TAF1: variants seen among roughly 807,000 people sequenced by gnomAD.
TAF1 encodes TATA-box binding protein associated factor 1, also known as transcription initiation factor TFIID subunit 1.
A neutral mutation model predicts 138.5 loss-of-function variants in TAF1; 2 were observed. That is an observed-to-expected ratio of 0.01 (90% CI 0.01 to 0.05). The LOEUF (loss-of-function observed/expected upper bound fraction) is 0.05, where lower values mean the gene tolerates loss of function less well. TAF1 is among the 10% of genes least tolerant of loss of function. The probability of loss-of-function intolerance (pLI) is 1.00; values close to 1 mark genes in which losing one functional copy is unlikely to be tolerated. For synonymous variants in TAF1, 437 were observed against 503.2 expected (o/e 0.87, Z 1.76); for missense variants, 709 against 1,478.0 (o/e 0.48, Z 8.53).
chrX:71,466,982 C>A (rs147166059), downstream of TAF1, among the ~76,000 whole-genome samples: 153 of 99,813 alleles, frequency 1.5e-3, 3 homozygotes, highest in East Asian at 0.036. Flanking sequence ...TGACTCTTTA[C>A]GAAGTAGGAA....
chrX:71,421,421 GGGGT>G, intron 29 of TAF1, 45 bp downstream of exon 29: 1 of 962,651 alleles, frequency 1.0e-6, no homozygotes, highest in Non-Finnish European at 1.5e-6. Flanking sequence ...TTTGAAGGTG[GGGGT>G]GGGATATCAG....
rs761013607 is a variant in TAF1 at position 71,393,191 on chromosome X, A to G, written c.3052-110A>G. ...TTTTTCTTTTTTGGTCTAACTGTGT[A>G]CATTGGCTTGTCCTTTGAAATCCCT... is the stretch of plus-strand genomic sequence containing the variant. On this transcript the variant is annotated intron_variant, in intron 20 of 37. Coordinates refer to ENST00000423759, the MANE Select transcript of TAF1 (RefSeq NM_004606.5). 474 of 1,102,573 alleles carry G rather than the reference A, an allele frequency of 4.3e-4. 1 individual carries two copies. Among genetic ancestry groups the G allele is most frequent in the Non-Finnish European group, 4.9e-4 (409 of 836,945 alleles). The allele number at this position is 1,102,573 out of a possible 1,213,427, so 90.9% of individuals were successfully genotyped here. A position where few individuals can be genotyped will look rare whatever the true frequency, so the allele number is the denominator to read the frequency against.
chrX:71,397,604 TC>T, intron 23 of TAF1, 138 bp downstream of exon 23: 1 of 706,796 alleles, frequency 1.4e-6, no homozygotes, highest in Non-Finnish European at 2.1e-6. Context: ...TGCCTCAACT[TC>T]CAGAGTAGCT....
intron 32 of TAF1, among the ~76,000 whole-genome samples, chrX:71,424,774 G>A (rs2036519104): frequency 1.8e-5 from 2 of 111,229 alleles, no homozygotes; most frequent in Admixed American, 9.6e-5. Flanking sequence ...GCAGGTGCCT[G>A]CCACCATGCC....
chrX:71,413,144 C>A (rs1285576436), intron 28 of TAF1, among the ~76,000 whole-genome samples: 1 of 111,749 alleles, frequency 8.9e-6, no homozygotes, highest in African/African-American at 3.3e-5. Context: ...AACCTGAAAT[C>A]TGAAACACTT....
At chrX:71,525,031 G>A (rs776048605) in intron 13 of TAF1, among the ~76,000 whole-genome samples, 1 of 110,057 alleles carries the variant, frequency 9.1e-6, no homozygotes, top group Non-Finnish European at 1.9e-5. Flanking sequence ...CTTTACCTCT[G>A]TGTTTATTTA....
chrX:71,418,848 A>G (rs947479307), intron 28 of TAF1, among the ~76,000 whole-genome samples: 13 of 104,699 alleles, frequency 1.2e-4, no homozygotes, highest in African/African-American at 4.6e-4. Context: ...GGCTCACGCA[A>G]CCTCCACCTC....
intron 13 of TAF1, among the ~76,000 whole-genome samples, chrX:71,485,401 G>T (rs754408253): frequency 8.9e-6 from 1 of 111,853 alleles, no homozygotes; most frequent in South Asian, 3.7e-4. Flanking sequence ...TTGAGGAGCT[G>T]CCAAGCTGTC....
intron 13 of TAF1, among the ~76,000 whole-genome samples, chrX:71,498,009 C>T (rs2039428152): frequency 9.0e-6 from 1 of 111,661 alleles, no homozygotes; most frequent in Non-Finnish European, 1.9e-5. Context: ...ATTTAGAGAC[C>T]TTGTACCCTT....
At chrX:71,471,685 T>A (rs1421947974) in intron 13 of TAF1, among the ~76,000 whole-genome samples, 1 of 110,724 alleles carries the variant, frequency 9.0e-6, no homozygotes, top group Non-Finnish European at 1.9e-5. Context: ...CAGCAGAGAT[T>A]TATTGAAAAC....
rs73217060 is a variant in TAF1 at position 71,375,419 on chromosome X, G to A, written c.472+133G>A. 30,293 of 841,047 alleles carry A rather than the reference G, an allele frequency of 0.036. 446 individuals carry two copies. Among genetic ancestry groups the A allele is most frequent in the Non-Finnish European group, 0.041 (26,170 of 634,131 alleles). 69.3% of individuals were successfully genotyped at this position (841,047 alleles called of 1,213,427 possible). ...ACTTCTAGAAATAATTCATACAATC[G>A]CAAATTTTAGTATTAAAGGGAAGTT... On this transcript the variant is annotated intron_variant, in intron 4 of 37. Transcript: ENST00000423759.
rs1387008526 is a variant in TAF1 at position 71,401,517 on chromosome X, T to G, written c.3787-11T>G. On this transcript the variant is annotated splice_polypyrimidine_tract_variant and intron_variant, in intron 24 of 37. Coordinates refer to ENST00000423759, the MANE Select transcript of TAF1 (RefSeq NM_004606.5). ...TTACCTCTGACGTGTTTGATACTTT[T>G]CCTTTTGCAGCTGAAATGTGGGGCA... is the stretch of plus-strand genomic sequence containing the variant. The G allele has an allele frequency of 2.5e-6, 3 of 1,209,803 alleles. No individual in the cohort carries two copies. The highest frequency in any genetic ancestry group is 3.4e-6 in the Non-Finnish European group (3 of 895,109).
intron 23 of TAF1, 145 bp from the exon 24 acceptor site, chrX:71,398,427 G>T: frequency 1.4e-6 from 1 of 724,710 alleles, no homozygotes; most frequent in Non-Finnish European, 2.0e-6. Flanking sequence ...ACTAGGGAGG[G>T]AGATGGGAAT....
intron 28 of TAF1, among the ~76,000 whole-genome samples, chrX:71,413,127 C>A (rs779431388): frequency 1.8e-5 from 2 of 111,585 alleles, no homozygotes; most frequent in South Asian, 7.4e-4. Context: ...ATTTCAGATT[C>A]TTAAAAAACC....
At chrX:71,527,950 T>C (rs762651269) in intron 13 of TAF1, 9 of 144,893 alleles carry the variant, frequency 6.2e-5, no homozygotes, top group Non-Finnish European at 1.2e-4. Context: ...AATTGTAGTA[T>C]TGGATTGGTC....
chrX:71,395,829 A>G (rs1003292033), intron 22 of TAF1, among the ~76,000 whole-genome samples: 2 of 111,317 alleles, frequency 1.8e-5, no homozygotes, highest in African/African-American at 6.5e-5. Context: ...AGAAATGTGG[A>G]ATCTCAGGCC....
chrX:71,404,878 A>G (rs1051107316), intron 25 of TAF1, among the ~76,000 whole-genome samples: 2 of 109,390 alleles, frequency 1.8e-5, no homozygotes, highest in African/African-American at 6.6e-5. Context: ...CCCATAAAGT[A>G]GGTTCAAGAT....
intron 13 of TAF1, among the ~76,000 whole-genome samples, chrX:71,384,354 T>G (rs935883034): frequency 5.4e-5 from 6 of 111,410 alleles, no homozygotes; most frequent in Non-Finnish European, 9.4e-5. Flanking sequence ...TGGTACCTTT[T>G]TTTGTAGTTA....
Position 71,435,093 on chromosome X carries a change from C to T in TAF1, c.4753+10855C>T, listed in dbSNP as rs908331513. 1.1e-3 allele frequency among the ~76,000 whole-genome samples: 125 copies of T among 112,180 alleles called. 1 individual carries two copies. The highest frequency in any genetic ancestry group is 3.4e-4 in the Non-Finnish European group (18 of 53,230). On this transcript the variant is annotated intron_variant, in intron 32 of 37. Transcript: ENST00000423759. ...CCCAAAGATTTCATAGCAAGTTTCT[C>T]CTCTAGTGCTCTTAAAACCAAAATC...
Sources: allele counts gnomAD v4.1 joint callset (sites outside exome capture counted in the v4.1 genomes callset), GRCh38; gene constraint gnomAD v4.1.1; transcripts MANE v1.5; gene names NCBI Gene and HGNC (gene_info 2026-07-23, HGNC 2026-07-21).